Variants in DOCK4 observed in about 807,000 individuals in gnomAD.
DOCK4 encodes the protein dedicator of cytokinesis protein 4.
DOCK4 carries 97 observed loss-of-function variants against 268.1 expected under a neutral mutation model. The ratio of observed to expected loss-of-function variants is 0.36; its 90% CI spans 0.31 to 0.43. The LOEUF is 0.43. Ranked by LOEUF, DOCK4 falls within the 20% of genes least tolerant of loss-of-function variation. The pLI, the probability that DOCK4 is intolerant of heterozygous loss-of-function variation, is 1.00. For missense variants in DOCK4, 2,145 were observed against 2,455.7 expected, an observed-to-expected ratio of 0.87 and a Z score of 2.67; for synonymous variants, 954 against 887.2, an observed-to-expected ratio of 1.08 and a Z score of -1.34.
chr7:112,108,434 C>T (rs1284754772), intron 1 of DOCK4, among the ~76,000 whole-genome samples: 1 of 152,176 alleles, frequency 6.6e-6, no homozygotes, highest in Non-Finnish European at 1.5e-5. Context: ...AGGAGACACT[C>T]ACTCTCCCTC....
chr7:112,087,713 G>A (rs1809230038), intron 1 of DOCK4, among the ~76,000 whole-genome samples: 1 of 152,084 alleles, frequency 6.6e-6, no homozygotes, highest in African/African-American at 2.4e-5. Flanking sequence ...CTCCTAAATA[G>A]AGTCTCACTT....
chr7:111,788,281 T>A (rs1030881498), intron 32 of DOCK4, among the ~76,000 whole-genome samples: 1 of 152,238 alleles, frequency 6.6e-6, no homozygotes, highest in Non-Finnish European at 1.5e-5. Flanking sequence ...AGCATCAGTA[T>A]CTTGCTTTGG....
At chr7:111,757,584 GCCTTGATATTTAGC>G (rs141135664) in intron 41 of DOCK4, among the ~76,000 whole-genome samples, 9,836 of 152,124 alleles carry the variant, frequency 0.065, 419 homozygotes, top group Middle Eastern at 0.12. Flanking sequence ...TGGCCTCCTT[GCCTTGATATTTAGC>G]CCATCAAATC....
At chr7:111,751,726 T>C (rs956295033) in intron 42 of DOCK4, among the ~76,000 whole-genome samples, 1 of 152,180 alleles carries the variant, frequency 6.6e-6, no homozygotes, top group Non-Finnish European at 1.5e-5. Context: ...ATTACAGGTA[T>C]GAGCCGCCAT....
At chr7:111,881,243 C>T (rs770234812) in intron 16 of DOCK4, among the ~76,000 whole-genome samples, 15 of 152,100 alleles carry the variant, frequency 9.9e-5, no homozygotes, top group Non-Finnish European at 1.6e-4. Context: ...TCTAATAATC[C>T]GATTGAGAAA....
intron 1 of DOCK4, among the ~76,000 whole-genome samples, chr7:112,108,269 T>A (rs551447458): frequency 2.6e-5 from 4 of 152,156 alleles, no homozygotes; most frequent in Non-Finnish European, 5.9e-5. Flanking sequence ...TAACCTGAAT[T>A]CTAAATTTAT....
intron 1 of DOCK4, among the ~76,000 whole-genome samples, chr7:112,109,797 T>G (rs999052411): frequency 6.8e-6 from 1 of 146,842 alleles, no homozygotes; most frequent in Non-Finnish European, 1.5e-5. Flanking sequence ...CAGGCTGGAG[T>G]GCAGTGGCGG....
chr7:112,070,908 A>G (rs1807527145), intron 1 of DOCK4, among the ~76,000 whole-genome samples: 1 of 152,168 alleles, frequency 6.6e-6, no homozygotes, highest in Non-Finnish European at 1.5e-5. Context: ...GGCTGGGTTG[A>G]AGGGGCACGA....
At chr7:111,845,645 C>T (rs906551181) in intron 24 of DOCK4, among the ~76,000 whole-genome samples, 7 of 152,096 alleles carry the variant, frequency 4.6e-5, no homozygotes, top group South Asian at 2.1e-4. Context: ...TTAGAAAGTA[C>T]GAGTTTGAAA....
intron 1 of DOCK4, among the ~76,000 whole-genome samples, chr7:112,195,962 T>C (rs1820386348): frequency 6.6e-6 from 1 of 152,144 alleles, no homozygotes; most frequent in Non-Finnish European, 1.5e-5. Flanking sequence ...CATGTGTTAG[T>C]AGTTTCCAAA....
At chr7:111,973,162 T>TAC (rs1243742466) in intron 8 of DOCK4, among the ~76,000 whole-genome samples, 2 of 132,762 alleles carry the variant, frequency 1.5e-5, no homozygotes, top group African/African-American at 6.9e-5. Context: ...ATGGCATATA[T>TAC]ATATATATAT....
intron 1 of DOCK4, among the ~76,000 whole-genome samples, chr7:112,085,790 T>A (rs760753231): frequency 3.9e-5 from 6 of 152,110 alleles, no homozygotes; most frequent in Non-Finnish European, 8.8e-5. Flanking sequence ...CTTGCTGATC[T>A]AGGTATCTTC....
chr7:111,971,761 G>C, intron 8 of DOCK4: 1 of 306,760 alleles, frequency 3.3e-6, no homozygotes, highest in South Asian at 3.6e-5. Flanking sequence ...AGGCCTGAAT[G>C]AACGGGTCAA....
chr7:112,131,355 T>C (rs1813778698), intron 1 of DOCK4, among the ~76,000 whole-genome samples: 1 of 152,180 alleles, frequency 6.6e-6, no homozygotes, highest in South Asian at 2.1e-4. Context: ...TCAGCCAGGA[T>C]ACGGGGATGC....
intron 16 of DOCK4, among the ~76,000 whole-genome samples, chr7:111,879,532 T>A (rs985681457): frequency 6.6e-6 from 1 of 152,134 alleles, no homozygotes; most frequent in Non-Finnish European, 1.5e-5. Flanking sequence ...GGTCCCCCAG[T>A]ACAGGCCTAG....
chr7:111,952,245 C>T (rs985992105), intron 8 of DOCK4, among the ~76,000 whole-genome samples: 1 of 152,156 alleles, frequency 6.6e-6, no homozygotes, highest in Non-Finnish European at 1.5e-5. Flanking sequence ...CTGATGTACT[C>T]AAAAAGACCT....
At chr7:111,909,073 C>T (rs1038445319) in intron 13 of DOCK4, among the ~76,000 whole-genome samples, 1 of 152,166 alleles carries the variant, frequency 6.6e-6, no homozygotes, top group African/African-American at 2.4e-5. Context: ...GGTTCTAGAT[C>T]CTTGAAGAAT....
At chr7:111,749,174 A>AC (rs1316076776) in intron 42 of DOCK4, among the ~76,000 whole-genome samples, 1 of 152,132 alleles carries the variant, frequency 6.6e-6, no homozygotes, top group African/African-American at 2.4e-5. Flanking sequence ...CTGTTTCTTT[A>AC]CCTGAATGGT....
At chr7:111,815,636 ATCCCCTCCCC>A (rs1229653905) in intron 27 of DOCK4, among the ~76,000 whole-genome samples, 1 of 46,198 alleles carries the variant, frequency 2.2e-5, no homozygotes, top group Non-Finnish European at 4.5e-5. Flanking sequence ...CCCCTCCCCC[ATCCCCTCCCC>A]TCCCCTCCCC....
Sources: allele counts gnomAD v4.1 joint callset (sites outside exome capture counted in the v4.1 genomes callset), GRCh38; gene constraint gnomAD v4.1.1; transcripts MANE v1.5; gene names NCBI Gene and HGNC (gene_info 2026-07-23, HGNC 2026-07-21).